The following GTF2IRD1 variants were observed in gnomAD, a reference collection of about 807,000 sequenced individuals.
GTF2IRD1 encodes GTF2I repeat domain containing 1.
In GTF2IRD1, 26 loss-of-function variants were observed where a neutral mutation model predicts 113.2. The observed-to-expected ratio is 0.23, with a 90% confidence interval of 0.17 to 0.32. The LOEUF (loss-of-function observed/expected upper bound fraction) is 0.32, where lower values mean the gene tolerates loss of function less well. Ranked by LOEUF, GTF2IRD1 falls within the 10% of genes least tolerant of loss-of-function variation. GTF2IRD1 has a pLI of 1.00. For synonymous variants in GTF2IRD1, 484 were observed against 529.1 expected (o/e 0.91, Z 1.17); for missense variants, 864 against 1,280.8 (o/e 0.67, Z 4.97).
intron 1 of GTF2IRD1, among the ~76,000 whole-genome samples, chr7:74,486,795 G>A (rs1795052448): frequency 6.6e-6 from 1 of 150,544 alleles, no homozygotes; most frequent in Non-Finnish European, 1.5e-5. Flanking sequence ...AACATAGCAA[G>A]ACCATGTCTC....
chr7:74,597,301 C>A (rs1363097030), intron 25 of GTF2IRD1, among the ~76,000 whole-genome samples: 2 of 151,512 alleles, frequency 1.3e-5, no homozygotes, highest in Non-Finnish European at 2.9e-5. Flanking sequence ...CTCGGCCCCC[C>A]AAAGTGCTGG....
chr7:74,576,552 A>G (rs1431090764), intron 22 of GTF2IRD1, among the ~76,000 whole-genome samples: 6 of 150,912 alleles, frequency 4.0e-5, no homozygotes, highest in African/African-American at 1.5e-4. Context: ...CAAGAAAAAA[A>G]AAAAAAAAAG....
intron 8 of GTF2IRD1, among the ~76,000 whole-genome samples, chr7:74,526,565 T>A (rs1797607498): frequency 6.6e-6 from 1 of 152,214 alleles, no homozygotes; most frequent in African/African-American, 2.4e-5. Context: ...TCTGGGATGA[T>A]GCTGGGACCA....
intron 22 of GTF2IRD1, among the ~76,000 whole-genome samples, chr7:74,584,554 T>C (rs1460313739): frequency 7.2e-5 from 11 of 152,228 alleles, no homozygotes; most frequent in African/African-American, 2.7e-4. Flanking sequence ...GGAAGTCATA[T>C]AGGCATTTGT....
chr7:74,510,090 G>A (rs573346166), intron 2 of GTF2IRD1, among the ~76,000 whole-genome samples: 23 of 152,210 alleles, frequency 1.5e-4, no homozygotes, highest in Admixed American at 1.1e-3. Flanking sequence ...AGTGGTGTTT[G>A]GGGCAGCGGT....
At chr7:74,540,295 T>C (rs1435579902) in intron 14 of GTF2IRD1, among the ~76,000 whole-genome samples, 1 of 152,076 alleles carries the variant, frequency 6.6e-6, no homozygotes, top group Non-Finnish European at 1.5e-5. Flanking sequence ...TACAGGCATG[T>C]GCCACCATGC....
chr7:74,552,615 A>C (rs1194118298), intron 17 of GTF2IRD1, among the ~76,000 whole-genome samples: 1 of 152,188 alleles, frequency 6.6e-6, no homozygotes, highest in African/African-American at 2.4e-5. Context: ...AAGTCTTAAG[A>C]GACAGTGTCT....
chr7:74,468,354 AT>A (rs68175977), intron 1 of GTF2IRD1, among the ~76,000 whole-genome samples: 112,999 of 145,272 alleles, frequency 0.78, 43,989 homozygotes, highest in Admixed American at 0.83. Context: ...CATAAAAATA[AT>A]TTAAAAAAAA....
chr7:74,564,675 G>A (rs1358233201), intron 22 of GTF2IRD1, among the ~76,000 whole-genome samples: 1 of 152,170 alleles, frequency 6.6e-6, no homozygotes, highest in Non-Finnish European at 1.5e-5. Flanking sequence ...AGGATCCCTC[G>A]AGCCTAGGAG....
intron 1 of GTF2IRD1, among the ~76,000 whole-genome samples, chr7:74,478,955 C>T (rs562416939): frequency 1.3e-5 from 2 of 151,578 alleles, no homozygotes; most frequent in East Asian, 1.9e-4. Flanking sequence ...CACTATGTTG[C>T]CCAGGCTGGT....
intron 1 of GTF2IRD1, among the ~76,000 whole-genome samples, chr7:74,458,303 G>A (rs1386332424): frequency 2.6e-5 from 4 of 152,132 alleles, no homozygotes; most frequent in Non-Finnish European, 5.9e-5. Context: ...GATGGTTTCT[G>A]GGGGAGAAGG....
chr7:74,586,994 A>G (rs1463821640), intron 22 of GTF2IRD1, among the ~76,000 whole-genome samples: 2 of 152,138 alleles, frequency 1.3e-5, no homozygotes, highest in Non-Finnish European at 2.9e-5. Context: ...AAATTTTAAA[A>G]AAACTTAGTC....
chr7:74,548,100 C>T (rs183058216), intron 17 of GTF2IRD1, among the ~76,000 whole-genome samples: 1 of 152,260 alleles, frequency 6.6e-6, no homozygotes, highest in Non-Finnish European at 1.5e-5. Context: ...CATGGACATA[C>T]CCTGTGTGCC....
chr7:74,510,902 A>G (rs1170342932), intron 2 of GTF2IRD1, among the ~76,000 whole-genome samples: 1 of 152,080 alleles, frequency 6.6e-6, no homozygotes, highest in Non-Finnish European at 1.5e-5. Flanking sequence ...TACAAAAATT[A>G]GCCAGGCATG....
chr7:74,500,078 G>C (rs1406749139), intron 1 of GTF2IRD1, among the ~76,000 whole-genome samples: 1 of 152,238 alleles, frequency 6.6e-6, no homozygotes, highest in Admixed American at 6.5e-5. Context: ...CCCCATGTGT[G>C]CCCCTGCCGT....
chr7:74,503,808 A>G (rs1278117605), intron 1 of GTF2IRD1, among the ~76,000 whole-genome samples: 2 of 152,170 alleles, frequency 1.3e-5, no homozygotes, highest in Admixed American at 1.3e-4. Context: ...GTTTGTTACA[A>G]AGGTATATTG....
At chr7:74,574,150 A>AT (rs71094796) in intron 22 of GTF2IRD1, among the ~76,000 whole-genome samples, 40,248 of 105,052 alleles carry the variant, frequency 0.38, 8,420 homozygotes, top group Non-Finnish European at 0.5. Flanking sequence ...CACCAAGCTA[A>AT]TTTTTTTTTT....
At chr7:74,546,273 G>A (rs1798933179) in intron 16 of GTF2IRD1, among the ~76,000 whole-genome samples, 1 of 149,678 alleles carries the variant, frequency 6.7e-6, no homozygotes, top group East Asian at 2.0e-4. Flanking sequence ...CCAGGCTGGG[G>A]TGTGGTGGCG....
At chr7:74,474,957 AT>A (rs1158059394) in intron 1 of GTF2IRD1, among the ~76,000 whole-genome samples, 15 of 152,272 alleles carry the variant, frequency 9.9e-5, no homozygotes, top group African/African-American at 3.1e-4. Flanking sequence ...TACAAAAAAA[AT>A]AAAATAAAAT....
Sources: allele counts gnomAD v4.1 joint callset (sites outside exome capture counted in the v4.1 genomes callset), GRCh38; gene constraint gnomAD v4.1.1; transcripts MANE v1.5; gene names NCBI Gene and HGNC (gene_info 2026-07-23, HGNC 2026-07-21).